The following YJU2B variants were observed in gnomAD, a reference collection of about 807,000 sequenced individuals.
YJU2B encodes YJU2 splicing factor homolog B.
A neutral mutation model predicts 38.0 loss-of-function variants in YJU2B; 18 were observed. That is an observed-to-expected ratio of 0.47 (90% CI 0.33 to 0.70). YJU2B has a LOEUF of 0.70. Among genes scored for constraint, YJU2B ranks in the 30% least tolerant of loss-of-function variants. The probability of loss-of-function intolerance (pLI) is 0.02; values close to 1 mark genes in which losing one functional copy is unlikely to be tolerated. For synonymous variants in YJU2B, 246 were observed against 225.4 expected (o/e 1.09, Z -0.82); for missense variants, 538 against 556.3 (o/e 0.97, Z 0.33).
chr19:13,760,209 C>G (rs1192198678), intron 8 of YJU2B, among the ~76,000 whole-genome samples: 1 of 152,028 alleles, frequency 6.6e-6, no homozygotes, highest in Non-Finnish European at 1.5e-5. Context: ...CAGGCGTGAG[C>G]CACCGAGACC....
chr19:13,749,888 C>T (rs1003386717), intron 1 of YJU2B, among the ~76,000 whole-genome samples: 2 of 152,166 alleles, frequency 1.3e-5, no homozygotes, highest in Non-Finnish European at 2.9e-5. Flanking sequence ...CCGCCTCGGC[C>T]TCCCAAAGTG....
chr19:13,742,200 C>T (rs2145095878), intron 2 of YJU2B, among the ~76,000 whole-genome samples: 2 of 151,978 alleles, frequency 1.3e-5, no homozygotes, highest in Non-Finnish European at 1.5e-5. Context: ...GAACATCATT[C>T]ATTTCCCCTC....
At position 13,756,277 on chromosome 19, in the gene YJU2B, C is replaced by T. The variant is rs762022606; in HGVS notation, c.138C>T (p.Ile46=). 1.9e-6 allele frequency: 3 copies of T among 1,613,676 alleles called. No individual in the cohort carries two copies. The highest frequency in any genetic ancestry group is 1.6e-4 in the Middle Eastern group (1 of 6,062). Residue 46 remains isoleucine, a splice_region_variant and synonymous_variant, in exon 4 of 10, where the codon ATC becomes ATT. Coordinates refer to ENST00000221554, the MANE Select transcript of YJU2B (RefSeq NM_030818.4). The part of the protein sequence containing the change: ...ARKLSQGILI[I]RFEMPYNIWC... ...AGCTGTCACAGGGCATCCTCATCAT[C>T]CGGTAAGGCCCAGCATCACCTGAGG...
chr19:13,762,192 CAAAA>C, intron 8 of YJU2B, 103 bp from the exon 9 acceptor site: 1 of 1,346,516 alleles, frequency 7.4e-7, no homozygotes. Context: ...GAAACTGTCT[CAAAA>C]AGAGTAAATG....
chr19:13,744,891 G>A (rs1452820907), upstream of YJU2B, among the ~76,000 whole-genome samples: 1 of 152,024 alleles, frequency 6.6e-6, no homozygotes, highest in Non-Finnish European at 1.5e-5. Flanking sequence ...TACTCGGGAG[G>A]CTGAGGCAGG....
chr19:13,740,737 A>T (rs1489445319), intron 2 of YJU2B, among the ~76,000 whole-genome samples: 2 of 151,970 alleles, frequency 1.3e-5, no homozygotes, highest in African/African-American at 4.8e-5. Context: ...GGGTTTCACC[A>T]TATTGGTCAG....
chr19:13,731,849 GA>G, exon 1 of YJU2B: 1 of 152,412 alleles, frequency 6.6e-6, no homozygotes, highest in Non-Finnish European at 1.5e-5. Flanking sequence ...AGGGGGCCAA[GA>G]GGGATAAGAA....
chr19:13,759,821 G>A (rs533173249), intron 8 of YJU2B, among the ~76,000 whole-genome samples: 1 of 129,016 alleles, frequency 7.8e-6, no homozygotes, highest in East Asian at 2.4e-4. Flanking sequence ...TTTTGAGACT[G>A]AGTTTCACTC....
At chr19:13,749,995 C>T (rs907742387) in intron 1 of YJU2B, among the ~76,000 whole-genome samples, 4 of 152,118 alleles carry the variant, frequency 2.6e-5, no homozygotes, top group African/African-American at 9.7e-5. Flanking sequence ...TTGAGGAGCC[C>T]CTGCATTTCC....
chr19:13,750,986 G>A (rs969864098), intron 1 of YJU2B, among the ~76,000 whole-genome samples: 4 of 152,052 alleles, frequency 2.6e-5, no homozygotes, highest in African/African-American at 4.8e-5. Context: ...CAGAGTGAAC[G>A]AGAGATAGAG....
At chr19:13,758,750 G>A in intron 6 of YJU2B, 118 bp from the exon 7 acceptor site, 1 of 1,226,490 alleles carries the variant, frequency 8.2e-7, no homozygotes. Context: ...CACACAGTGG[G>A]TGCTCAGTGA....
chr19:13,731,895 C>G (rs1972828667), exon 1 of YJU2B: 1 of 152,276 alleles, frequency 6.6e-6, no homozygotes, highest in South Asian at 2.1e-4. Flanking sequence ...ACTGAGCGCC[C>G]TTGGGAGGGC....
intron 1 of YJU2B, 150 bp from the exon 2 acceptor site, chr19:13,751,458 T>G (rs768208268): frequency 4.0e-5 from 11 of 272,830 alleles, no homozygotes; most frequent in Non-Finnish European, 7.0e-5. Flanking sequence ...TGAGCAAGTG[T>G]CAAGGGCAGA....
chr19:13,758,855 C>T lies in YJU2B; in HGVS notation c.258-13C>T, dbSNP rs369550361. 74 of 1,613,610 alleles carry T rather than the reference C, an allele frequency of 4.6e-5. No homozygotes were observed. In the African/African-American group the frequency reaches 6.8e-4, roughly 15 times the overall value. The stretch of plus-strand genomic sequence containing the variant: ...CCACAGCCTCCTGACTCCTGCCCAC[C>T]GCTCCCTCCCAGGTTCCGGATGAAA... On this transcript the variant is annotated splice_polypyrimidine_tract_variant and intron_variant, in intron 6 of 9. Transcript: ENST00000221554.
At chr19:13,738,721 C>G (rs931729464) in intron 2 of YJU2B, among the ~76,000 whole-genome samples, 1 of 152,054 alleles carries the variant, frequency 6.6e-6, no homozygotes, top group African/African-American at 2.4e-5. Flanking sequence ...GAAACCCCGT[C>G]TCTACTAAAA....
chr19:13,743,147 G>GTTTTTTTTTTTTTTTT (rs1568279357), upstream of YJU2B, among the ~76,000 whole-genome samples: 4 of 152,054 alleles, frequency 2.6e-5, no homozygotes, highest in African/African-American at 9.7e-5. Flanking sequence ...TGCAGGTGGG[G>GTTTTTTTTTTTTTTTT]GTTTTTTAAG....
intron 1 of YJU2B, among the ~76,000 whole-genome samples, chr19:13,750,857 CAAAAA>C (rs908775840): frequency 3.2e-5 from 2 of 62,030 alleles, no homozygotes; most frequent in East Asian, 4.6e-4. Flanking sequence ...GACTCCGTCT[CAAAAA>C]AAAAAAAAAA....
At chr19:13,756,331 T>A in intron 4 of YJU2B, 52 bp downstream of exon 4, 2 of 1,471,362 alleles carry the variant, frequency 1.4e-6, no homozygotes, top group Non-Finnish European at 1.9e-6. Flanking sequence ...ATTCCTTCAG[T>A]CTCAAGGAGA....
chr19:13,761,169 G>T (rs542478378), intron 8 of YJU2B, among the ~76,000 whole-genome samples: 1 of 151,784 alleles, frequency 6.6e-6, no homozygotes, highest in African/African-American at 2.4e-5. Flanking sequence ...CACGAGGTCA[G>T]GAGATCGAGA....
Sources: allele counts gnomAD v4.1 joint callset (sites outside exome capture counted in the v4.1 genomes callset), GRCh38; gene constraint gnomAD v4.1.1; transcripts MANE v1.5; gene names NCBI Gene and HGNC (gene_info 2026-07-23, HGNC 2026-07-21).